Variants in ABHD4 observed in about 807,000 individuals in gnomAD.
ABHD4 encodes (Lyso)-N-acylphosphatidylethanolamine lipase.
ABHD4 carries 35 observed loss-of-function variants against 42.3 expected under a neutral mutation model. That is an observed-to-expected ratio of 0.83 (90% confidence interval 0.63 to 1.10). The LOEUF is 1.10. Among genes scored for constraint, ABHD4 ranks in the 50% least tolerant of loss-of-function variants. The pLI is 0.00. For synonymous variants in ABHD4, 169 were observed against 170.6 expected (o/e 0.99, Z 0.07); for missense variants, 389 against 454.8 (o/e 0.86, Z 1.32).
chr14:22,611,146 G>A lies in ABHD4; in HGVS notation c.*198G>A, dbSNP rs889987222. ...AAGGCTGAAGGCAGAAGCCACAAGA[G>A]GCCTTGAGTGCCACCCCCAGGGAAG... is the stretch of plus-strand genomic sequence containing the variant. On this transcript the variant is annotated 3_prime_UTR_variant, in exon 7 of 7. Coordinates refer to ENST00000428304, the MANE Select transcript of ABHD4 (RefSeq NM_022060.3). 8.6e-6 allele frequency: 5 copies of A among 579,894 alleles called. No homozygotes were observed. The highest frequency in any genetic ancestry group is 7.5e-5 in the African/African-American group (4 of 53,636). The allele number at this position is 579,894 out of a possible 1,614,324, so 35.9% of individuals were successfully genotyped here.
At chr14:22,605,667 T>C (rs1462522494) in intron 4 of ABHD4, 1 of 435,882 alleles carries the variant, frequency 2.3e-6, no homozygotes, top group African/African-American at 2.0e-5. Flanking sequence ...GCTATCATAG[T>C]TGGGGAAGTT....
intron 2 of ABHD4, among the ~76,000 whole-genome samples, chr14:22,602,867 G>A (rs1359322060): frequency 6.6e-6 from 1 of 152,162 alleles, no homozygotes; most frequent in African/African-American, 2.4e-5. Flanking sequence ...GAGAGATCAG[G>A]CTCAACTCTT....
intron 1 of ABHD4, chr14:22,598,823 T>C (rs1162418496): frequency 9.5e-6 from 2 of 209,678 alleles, no homozygotes; most frequent in Non-Finnish European, 1.9e-5. Flanking sequence ...AACAACGGGC[T>C]TGCAAGTTTC....
At chr14:22,601,790 A>C (rs1422183884) in intron 2 of ABHD4, 35 bp downstream of exon 2, 3 of 1,573,468 alleles carry the variant, frequency 1.9e-6, no homozygotes, top group African/African-American at 1.4e-5. Flanking sequence ...CACCTCCCTC[A>C]TGGAGCCCAA....
In ABHD4 at chr14:22,609,803, C is replaced by T. The variant is rs371651543; in HGVS notation, c.832C>T (p.Arg278Ter). ...RPMLERIHLIRKDVPITMIYG... is the reference protein window; with the variant it reads ...RPMLERIHLI Reference sequence around the variant, plus strand: ...TATGCTGGAGCGAATTCACTTGATTCGAAAAGATGTGCCTATCACTATGAT... The same window carrying T: ...TATGCTGGAGCGAATTCACTTGATTTGAAAAGATGTGCCTATCACTATGAT... Residue 278 changes from arginine (R) to a stop codon, truncating the protein, a stop_gained, in exon 6 of 7, where the codon CGA becomes TGA. Coordinates refer to ENST00000428304, the MANE Select transcript of ABHD4 (RefSeq NM_022060.3). LOFTEE classifies it high-confidence loss of function. 3.1e-5 allele frequency: 50 copies of T among 1,613,964 alleles called. No homozygotes were observed. The highest frequency in any genetic ancestry group is 8.9e-5 in the East Asian group (4 of 44,884).
intron 5 of ABHD4, 56 bp downstream of exon 5, chr14:22,606,589 C>G: frequency 8.1e-7 from 1 of 1,234,894 alleles, no homozygotes. Flanking sequence ...AGATAAAACT[C>G]TTAGCTGCTG....
At position 22,604,282 on chromosome 14, in the gene ABHD4, G is replaced by A. The variant is rs550804832; in HGVS notation, c.640+203G>A. 4.9e-4 allele frequency: 299 copies of A among 610,630 alleles called. 1 individual carries two copies. Among genetic ancestry groups the A allele is most frequent in the African/African-American group, 4.8e-3 (258 of 54,164 alleles). The allele number at this position is 610,630 out of a possible 1,614,324, so 37.8% of individuals were successfully genotyped here. ...TTTTGTTTTTTTGAGACAAAGTCTC[G>A]CTCTGTCACCCAGGCTGGAGTGCAG... On this transcript the variant is annotated intron_variant, in intron 4 of 6. Coordinates refer to ENST00000428304, the MANE Select transcript of ABHD4 (RefSeq NM_022060.3).
intron 1 of ABHD4, 28 bp from the exon 2 acceptor site, chr14:22,601,639 A>G (rs558870549): frequency 1.2e-6 from 2 of 1,601,186 alleles, no homozygotes; most frequent in East Asian, 4.5e-5. Context: ...CAATGTTGCC[A>G]ATGAGTGTCT....
intron 1 of ABHD4, 151 bp from the exon 2 acceptor site, chr14:22,601,516 T>C: frequency 1.5e-6 from 1 of 660,612 alleles, no homozygotes; most frequent in Non-Finnish European, 2.7e-6. Context: ...ATCAGGTAGC[T>C]AGGGAACTGC....
chr14:22,610,564 G>T (rs998366232), intron 6 of ABHD4, among the ~76,000 whole-genome samples: 2 of 152,134 alleles, frequency 1.3e-5, no homozygotes, highest in Non-Finnish European at 2.9e-5. Flanking sequence ...GCTTAATGAG[G>T]CTGGGTGCCA....
rs2037409368 is a variant in ABHD4 at position 22,611,002 on chromosome 14, G to C, written c.*54G>C. ...GCCAGAGAGTCACTCTTACCTCCCTGTCTGCTTACTCACCCACTCTGTCCT... is the reference window on the plus strand; with the variant it reads ...GCCAGAGAGTCACTCTTACCTCCCTCTCTGCTTACTCACCCACTCTGTCCT... On this transcript the variant is annotated 3_prime_UTR_variant, in exon 7 of 7. Transcript: ENST00000428304. 3 of 1,499,296 alleles carry C rather than the reference G, an allele frequency of 2.0e-6. No individual in the cohort carries two copies. The highest frequency in any genetic ancestry group is 1.9e-6 in the Non-Finnish European group (2 of 1,078,996). The allele number at this position is 1,499,296 out of a possible 1,614,324, so 92.9% of individuals were successfully genotyped here.
intron 5 of ABHD4, among the ~76,000 whole-genome samples, chr14:22,606,785 G>A (rs1453433811): frequency 6.6e-6 from 1 of 152,254 alleles, no homozygotes; most frequent in East Asian, 1.9e-4. Context: ...CTACAGGTAT[G>A]CAATTGGCCT....
intron 1 of ABHD4, 175 bp downstream of exon 1, chr14:22,598,504 G>A (rs1474416507): frequency 3.3e-6 from 5 of 1,529,758 alleles, no homozygotes; most frequent in East Asian, 2.5e-5. Flanking sequence ...CCCAGAAGAG[G>A]CAGCGGCTGA....
At chr14:22,603,335 G>C (rs2037307971) in intron 2 of ABHD4, 55 bp from the exon 3 acceptor site, 3 of 1,605,308 alleles carry the variant, frequency 1.9e-6, no homozygotes, top group East Asian at 2.2e-5. Flanking sequence ...CAGGCAAAAT[G>C]ATGATGCCGT....
chr14:22,608,637 CTG>C (rs2037374588), intron 5 of ABHD4, among the ~76,000 whole-genome samples: 1 of 152,190 alleles, frequency 6.6e-6, no homozygotes, highest in Non-Finnish European at 1.5e-5. Context: ...AATCCCCAGT[CTG>C]TGTTTTCATA....
chr14:22,606,120 G>C (rs974186579), intron 4 of ABHD4, among the ~76,000 whole-genome samples: 1 of 152,154 alleles, frequency 6.6e-6, no homozygotes, highest in Non-Finnish European at 1.5e-5. Context: ...GATGGGGAGG[G>C]CTTGTGATTC....
rs527942022 is a variant in ABHD4 at position 22,611,150 on chromosome 14, T to G, written c.*202T>G. On this transcript the variant is annotated 3_prime_UTR_variant, in exon 7 of 7. Coordinates refer to ENST00000428304, the MANE Select transcript of ABHD4 (RefSeq NM_022060.3). ...CTGAAGGCAGAAGCCACAAGAGGCC[T>G]TGAGTGCCACCCCCAGGGAAGAACA... 1.7e-6 allele frequency: 1 copy of G among 576,502 alleles called. No homozygotes were observed. The highest frequency in any genetic ancestry group is 2.9e-5 in the East Asian group (1 of 34,578). The allele number at this position is 576,502 out of a possible 1,614,324, so 35.7% of individuals were successfully genotyped here.
chr14:22,601,606 C>A, intron 1 of ABHD4, 61 bp from the exon 2 acceptor site: 2 of 1,493,476 alleles, frequency 1.3e-6, no homozygotes, highest in Non-Finnish European at 9.3e-7. Context: ...CTCAGCAAGG[C>A]TAAGAGCATC....
At chr14:22,600,598 C>T (rs2037271018) in intron 1 of ABHD4, among the ~76,000 whole-genome samples, 1 of 152,170 alleles carries the variant, frequency 6.6e-6, no homozygotes, top group Non-Finnish European at 1.5e-5. Flanking sequence ...TGTTCACAGG[C>T]CCTTCCTATA....
Sources: allele counts gnomAD v4.1 joint callset (sites outside exome capture counted in the v4.1 genomes callset), GRCh38; gene constraint gnomAD v4.1.1; transcripts MANE v1.5; gene names NCBI Gene and HGNC (gene_info 2026-07-23, HGNC 2026-07-21).